Variants in DNA2 observed in about 807,000 individuals in gnomAD.
The protein encoded by DNA2 is DNA replication helicase/nuclease 2, also known as DNA replication ATP-dependent helicase/nuclease DNA2.
A neutral mutation model predicts 119.1 loss-of-function variants in DNA2; 101 were observed. The observed-to-expected ratio is 0.85, with a 90% CI of 0.72 to 1.00. DNA2 has a LOEUF of 1.00. DNA2 is among the 50% of genes least tolerant of loss of function. The pLI is 0.00. For missense variants in DNA2, 1,121 were observed against 1,255.5 expected (o/e 0.89, Z 1.62); for synonymous variants, 366 against 424.4 (o/e 0.86, Z 1.69).
At chr10:68,447,593 A>T (rs2052058279) in intron 6 of DNA2, among the ~76,000 whole-genome samples, 1 of 147,076 alleles carries the variant, frequency 6.8e-6, no homozygotes, top group Non-Finnish European at 1.5e-5. Context: ...GGAGGCTGAG[A>T]TGGGAGGATT....
chr10:68,416,038 C>T (rs745845977), intron 20 of DNA2, among the ~76,000 whole-genome samples: 3 of 152,088 alleles, frequency 2.0e-5, no homozygotes, highest in Non-Finnish European at 2.9e-5. Flanking sequence ...ATTAGCCAAG[C>T]GTGGTGGTAC....
chr10:68,431,086 C>G (rs1473098722), intron 13 of DNA2, among the ~76,000 whole-genome samples: 1 of 151,942 alleles, frequency 6.6e-6, no homozygotes. Context: ...ACTGCATGAA[C>G]TGTGATCATG....
At chr10:68,452,737 ATTTTTTTTTTTTTTTTT>A (rs35788452) in intron 5 of DNA2, among the ~76,000 whole-genome samples, 6 of 90,162 alleles carry the variant, frequency 6.7e-5, no homozygotes, top group Non-Finnish European at 1.1e-4. Context: ...ACGCCCAGCT[ATTTTTTTTTTTTTTTTT>A]TTTTTTTTTT....
At chr10:68,463,894 A>G (rs10998200) in intron 4 of DNA2, among the ~76,000 whole-genome samples, 27,097 of 152,090 alleles carry the variant, frequency 0.18, 2,943 homozygotes, top group African/African-American at 0.31. Context: ...TGAGAGAGCC[A>G]GTCCAACAGA....
rs143064599 is a variant in DNA2 at position 68,467,838 on chromosome 10, T to C, written c.441+285A>G. 3.3e-5 allele frequency among the ~76,000 whole-genome samples: 5 copies of C among 152,332 alleles called. No individual in the cohort carries two copies. The East Asian group carries it at 9.6e-4, about 29-fold the overall frequency. On this transcript the variant is annotated intron_variant, in intron 3 of 20. Coordinates refer to ENST00000358410, the MANE Select transcript of DNA2 (RefSeq NM_001080449.3). ...TGTTTAAATTTAAAAGTTTATCATT[T>C]AAATTAATTTTCTTATTATAATTAG...
chr10:68,451,498 G>C (rs2052117574), intron 5 of DNA2, among the ~76,000 whole-genome samples: 1 of 151,978 alleles, frequency 6.6e-6, no homozygotes, highest in Non-Finnish European at 1.5e-5. Flanking sequence ...AGAAAGATAA[G>C]AGTTACCTCT....
chr10:68,436,914 T>C, intron 10 of DNA2, 97 bp downstream of exon 10: 1 of 997,156 alleles, frequency 1.0e-6, no homozygotes, highest in Non-Finnish European at 1.5e-6. Context: ...GTGAATATAC[T>C]AAAAACCAGC....
intron 5 of DNA2, among the ~76,000 whole-genome samples, chr10:68,452,720 T>C (rs2052135281): frequency 6.7e-6 from 1 of 149,630 alleles, no homozygotes; most frequent in Non-Finnish European, 1.5e-5. Context: ...TACAGGCATC[T>C]GCCATTACGC....
chr10:68,471,809 G>C lies in DNA2; in HGVS notation c.56C>G (p.Ala19Gly). The C allele has an allele frequency of 1.9e-6, 3 of 1,604,782 alleles. No homozygotes were observed. The highest frequency in any genetic ancestry group is 2.6e-6 in the Non-Finnish European group (3 of 1,175,290). Residue 19 changes from alanine (A) to glycine (G), a missense_variant, in exon 1 of 21, where the codon GCG becomes GGG. Coordinates refer to ENST00000358410, the MANE Select transcript of DNA2 (RefSeq NM_001080449.3). ...CGCTCACAGCTCCGCCGGCAGCTCCGCCTCCTCCCAAAAACTCTTCTCCAT... is the reference window on the plus strand; with the variant it reads ...CGCTCACAGCTCCGCCGGCAGCTCCCCCTCCTCCCAAAAACTCTTCTCCAT... ...LLMEKSFWEE[A>G]ELPAELFQKK...
chr10:68,437,813 C>T (rs149515819), intron 9 of DNA2, among the ~76,000 whole-genome samples: 2 of 152,138 alleles, frequency 1.3e-5, no homozygotes, highest in Non-Finnish European at 2.9e-5. Flanking sequence ...CCTGTTCAAG[C>T]GATTCTCATG....
At chr10:68,432,551 C>T (rs753268201) in intron 10 of DNA2, 41 bp from the exon 11 acceptor site, 33 of 1,107,156 alleles carry the variant, frequency 3.0e-5, no homozygotes, top group South Asian at 8.4e-5. Context: ...CTCGCCATTT[C>T]GCATAGTCTG....
At chr10:68,417,391 C>CAAAAAA (rs35777569) in intron 19 of DNA2, among the ~76,000 whole-genome samples, 47 of 77,476 alleles carry the variant, frequency 6.1e-4, no homozygotes, top group African/African-American at 2.0e-3. Flanking sequence ...ATAAGAAAAC[C>CAAAAAA]AAAAAAAAAA....
chr10:68,425,683 G>A (rs999419677), intron 14 of DNA2, among the ~76,000 whole-genome samples: 5 of 152,058 alleles, frequency 3.3e-5, no homozygotes, highest in African/African-American at 1.2e-4. Flanking sequence ...TTACAGGCGT[G>A]AGACACCGCG....
In DNA2 at chr10:68,448,978, T is replaced by C. The variant is rs563696814; in HGVS notation, c.939+1050A>G. Among the ~76,000 whole-genome samples the C allele has an allele frequency of 3.2e-3, 454 of 140,602 alleles. 7 individuals are homozygous for C. Among genetic ancestry groups the C allele is most frequent in the African/African-American group, 0.013 (430 of 33,810 alleles). The allele number at this position is 140,602 out of a possible 152,430, so 92.2% of individuals were successfully genotyped here. On this transcript the variant is annotated intron_variant, in intron 6 of 20. Coordinates refer to ENST00000358410, the MANE Select transcript of DNA2 (RefSeq NM_001080449.3). Reference sequence around the variant, plus strand: ...GTGTGTGTGTGTGTGCGTGTGTGTGTGTGTGTGTAGTAGTTTCACCATGTT... The same window carrying C: ...GTGTGTGTGTGTGTGCGTGTGTGTGCGTGTGTGTAGTAGTTTCACCATGTT...
At chr10:68,430,978 A>C (rs2051812644) in intron 13 of DNA2, among the ~76,000 whole-genome samples, 1 of 152,110 alleles carries the variant, frequency 6.6e-6, no homozygotes, top group Non-Finnish European at 1.5e-5. Flanking sequence ...TTTTTAAAAA[A>C]TTCTTTTTTT....
At chr10:68,420,014 G>GAA in intron 17 of DNA2, 122 bp from the exon 18 acceptor site, 1 of 768,816 alleles carries the variant, frequency 1.3e-6, no homozygotes, top group Non-Finnish European at 2.1e-6. Context: ...TCTAAAAGAT[G>GAA]AAGGTGAAAG....
At chr10:68,429,668 C>T (rs745447402) in intron 14 of DNA2, among the ~76,000 whole-genome samples, 77 of 122,698 alleles carry the variant, frequency 6.3e-4, no homozygotes, top group Non-Finnish European at 1.0e-3. Context: ...GCCAGGATCG[C>T]GCCACTGCAC....
chr10:68,431,800 T>C, intron 13 of DNA2, 62 bp downstream of exon 13: 1 of 1,140,288 alleles, frequency 8.8e-7, no homozygotes, highest in Non-Finnish European at 1.3e-6. Context: ...TATTACATCC[T>C]CTGAACTGAG....
At chr10:68,421,423 A>G (rs925109290) in intron 17 of DNA2, among the ~76,000 whole-genome samples, 3 of 152,070 alleles carry the variant, frequency 2.0e-5, no homozygotes, top group Non-Finnish European at 4.4e-5. Context: ...GACCTCCAGA[A>G]TAAACCTCCT....
Sources: gnomAD v4.1 joint callset for allele counts (sites outside exome capture counted in the v4.1 genomes callset) on GRCh38, gnomAD v4.1.1 for gene constraint, MANE v1.5 for transcripts, NCBI Gene and HGNC (gene_info 2026-07-23, HGNC 2026-07-21) for gene names.